Variants in METTL21A observed in about 807,000 individuals in gnomAD.
METTL21A encodes the protein protein N-lysine methyltransferase METTL21A.
Under a neutral mutation model 20.9 loss-of-function variants are expected in METTL21A, and 22 were observed. The observed-to-expected ratio is 1.05, with a 90% confidence interval of 0.75 to 1.50. The LOEUF is 1.50. Among genes scored for constraint, METTL21A ranks in the 40% most tolerant of loss-of-function variants. The pLI, the probability that METTL21A is intolerant of heterozygous loss-of-function variation, is 0.00. For synonymous variants in METTL21A, 93 were observed against 102.0 expected, an observed-to-expected ratio of 0.91 and a Z score of 0.53; for missense variants, 271 against 266.8, an observed-to-expected ratio of 1.02 and a Z score of -0.11.
At chr2:207,605,273 C>G (rs536924684), downstream of METTL21A, among the ~76,000 whole-genome samples, 5 of 152,070 alleles carry the variant, frequency 3.3e-5, no homozygotes, top group Admixed American at 2.6e-4. Flanking sequence ...TGGGTGTGGT[C>G]TCTCATTGTG....
At chr2:207,612,983 G>T (rs2089167147) in exon 4 of METTL21A, 2 of 1,446,862 alleles carry the variant, frequency 1.4e-6, no homozygotes, top group Non-Finnish European at 1.9e-6. Context: ...AATATGGTTA[G>T]ATTTGCAGTC....
intron 3 of METTL21A, among the ~76,000 whole-genome samples, chr2:207,583,965 A>T (rs1304828582): frequency 1.3e-5 from 2 of 152,218 alleles, no homozygotes; most frequent in African/African-American, 4.8e-5. Flanking sequence ...TCCTTCATCT[A>T]GCAAAATGCA....
chr2:207,587,429 A>G (rs967357157), intron 3 of METTL21A, among the ~76,000 whole-genome samples: 5 of 151,936 alleles, frequency 3.3e-5, no homozygotes, highest in Admixed American at 1.3e-4. Context: ...AAACACACAA[A>G]AAATAAAAGA....
intron 3 of METTL21A, chr2:207,582,791 G>A: frequency 3.6e-6 from 1 of 276,984 alleles, no homozygotes; most frequent in South Asian, 3.1e-5. Context: ...TACTCAGGCG[G>A]CTGAGGCAGA....
chr2:207,625,492 G>C (rs2091017896), upstream of METTL21A: 1 of 152,272 alleles, frequency 6.6e-6, no homozygotes, highest in Non-Finnish European at 1.5e-5. Context: ...TGCGGGAGGG[G>C]GGACCGGGGC....
intron 3 of METTL21A, among the ~76,000 whole-genome samples, chr2:207,594,756 T>C (rs1301916972): frequency 3.3e-5 from 5 of 152,194 alleles, no homozygotes; most frequent in Admixed American, 2.0e-4. Context: ...TGCTGGATCA[T>C]ATGGTAAATT....
chr2:207,624,719 G>A (rs944393158), intron 1 of METTL21A: 3 of 156,544 alleles, frequency 1.9e-5, no homozygotes, highest in African/African-American at 7.2e-5. Context: ...GGAAGCGGCG[G>A]TGATCGCCCA....
chr2:207,623,101 GC>G (rs1470323823), intron 2 of METTL21A, among the ~76,000 whole-genome samples: 1 of 151,920 alleles, frequency 6.6e-6, no homozygotes, highest in Non-Finnish European at 1.5e-5. Context: ...ATGGAGTTTC[GC>G]CATGTTGGCT....
intron 3 of METTL21A, chr2:207,582,221 G>A (rs1167220941): frequency 2.8e-6 from 2 of 701,776 alleles, no homozygotes; most frequent in African/African-American, 3.5e-5. Context: ...CAGTAATTAG[G>A]TGTATTTTAG....
At chr2:207,613,515 T>C in intron 3 of METTL21A, 72 bp from the exon 4 acceptor site, 1 of 1,380,950 alleles carries the variant, frequency 7.2e-7, no homozygotes, top group Non-Finnish European at 9.8e-7. Context: ...GGGGTCAAGT[T>C]AAATGTAGAG....
intron 3 of METTL21A, among the ~76,000 whole-genome samples, chr2:207,585,347 A>C (rs1181527169): frequency 1.3e-5 from 2 of 152,206 alleles, no homozygotes; most frequent in African/African-American, 4.8e-5. Flanking sequence ...AGTAAAAGAA[A>C]TCATACAGAG....
chr2:207,600,266 T>TAAAA, intron 3 of METTL21A: 1 of 160,476 alleles, frequency 6.2e-6, no homozygotes, highest in African/African-American at 2.5e-5. Context: ...TATATATACA[T>TAAAA]ACAGTATATA....
At chr2:207,622,674 G>A (rs1188112873) in intron 2 of METTL21A, among the ~76,000 whole-genome samples, 1 of 152,174 alleles carries the variant, frequency 6.6e-6, no homozygotes, top group East Asian at 1.9e-4. Context: ...GATGGTCATC[G>A]CCCCACAGGG....
intron 2 of METTL21A, among the ~76,000 whole-genome samples, chr2:207,623,078 AT>A (rs2090692094): frequency 6.6e-6 from 1 of 151,652 alleles, no homozygotes; most frequent in South Asian, 2.1e-4. Flanking sequence ...TAATTTTTGT[AT>A]TTTCAGTAGA....
At chr2:207,596,725 G>A (rs1375784578) in intron 3 of METTL21A, among the ~76,000 whole-genome samples, 2 of 152,232 alleles carry the variant, frequency 1.3e-5, no homozygotes, top group East Asian at 3.9e-4. Context: ...GAGCCGCCAC[G>A]CCTGGCCAGA....
At chr2:207,600,557 A>G (rs1441642643) in intron 3 of METTL21A, 1 of 211,382 alleles carries the variant, frequency 4.7e-6, no homozygotes, top group Non-Finnish European at 9.6e-6. Context: ...TGTGGCAGCT[A>G]TAACAGTGGT....
intron 2 of METTL21A, among the ~76,000 whole-genome samples, chr2:207,622,431 A>T (rs928423231): frequency 2.0e-5 from 3 of 152,138 alleles, no homozygotes; most frequent in African/African-American, 4.8e-5. Flanking sequence ...AAGTGCTAGG[A>T]TTATAGGCGT....
At chr2:207,582,712 G>A (rs1451071819) in intron 3 of METTL21A, among the ~76,000 whole-genome samples, 2 of 151,922 alleles carry the variant, frequency 1.3e-5, no homozygotes, top group East Asian at 3.9e-4. Context: ...TGGCCAATAT[G>A]GTGAAACCCT....
rs1031465366 is a variant in METTL21A at position 207,624,678 on chromosome 2, C to G, written c.-29-274G>C. The G allele has an allele frequency of 7.9e-5, 14 of 177,774 alleles. 1 individual carries two copies. The East Asian group carries it at 1.0e-3, about 13-fold the overall frequency. The allele number at this position is 177,774 out of a possible 1,614,324, so 11.0% of individuals were successfully genotyped here. ...AATACCCTATACACTGCACTGCTAC[C>G]ACTCCGTGAATTCAGAACTACACAA... On this transcript the variant is annotated intron_variant, in intron 1 of 3. Transcript: ENST00000406927.
Sources: allele counts gnomAD v4.1 joint callset (sites outside exome capture counted in the v4.1 genomes callset), GRCh38; gene constraint gnomAD v4.1.1; transcripts MANE v1.5; gene names NCBI Gene and HGNC (gene_info 2026-07-23, HGNC 2026-07-21).